DIAPH3: variants seen among roughly 807,000 people sequenced by gnomAD.
The protein encoded by DIAPH3 is diaphanous related formin 3, also known as protein diaphanous homolog 3.
Under a neutral mutation model 144.3 loss-of-function variants are expected in DIAPH3, and 117 were observed. The ratio of observed to expected loss-of-function variants is 0.81; its 90% CI spans 0.70 to 0.95. The LOEUF is 0.95. DIAPH3 is among the 40% of genes least tolerant of loss of function. The probability of loss-of-function intolerance (pLI) is 0.00; values close to 1 mark genes in which losing one functional copy is unlikely to be tolerated. For missense variants in DIAPH3, 1,421 were observed against 1,412.7 expected (o/e 1.01, Z -0.09); for synonymous variants, 519 against 488.9 (o/e 1.06, Z -0.81).
intron 25 of DIAPH3, among the ~76,000 whole-genome samples, chr13:59,800,641 G>T (rs529511159): frequency 7.8e-4 from 118 of 152,148 alleles, no homozygotes; most frequent in Non-Finnish European, 1.4e-3. Context: ...CTTAATGATA[G>T]AATCAATTAG....
chr13:59,931,090 A>G (rs903515942), intron 17 of DIAPH3, among the ~76,000 whole-genome samples: 2 of 151,826 alleles, frequency 1.3e-5, no homozygotes, highest in African/African-American at 4.8e-5. Flanking sequence ...TCTCCCAACT[A>G]TTTTCTTCAG....
chr13:59,997,894 TGAAA>T (rs1393248654), intron 9 of DIAPH3, among the ~76,000 whole-genome samples: 64 of 152,172 alleles, frequency 4.2e-4, no homozygotes, highest in Non-Finnish European at 5.6e-4. Context: ...AAATCCAGAT[TGAAA>T]ACAAGAACCA....
Position 59,833,346 on chromosome 13 carries a change from G to A in DIAPH3, c.2863-75C>T, listed in dbSNP as rs968182893. The A allele has an allele frequency of 5.1e-6, 6 of 1,179,192 alleles. No individual in the cohort carries two copies. In the African/African-American group the frequency reaches 9.3e-5, roughly 18 times the overall value. 73.0% of individuals were successfully genotyped at this position (1,179,192 alleles called of 1,614,324 possible). ...GCAGGGGGAACTCTGTAAATCCAAT[G>A]TTTTAGTCTAATAGCCACCATTACT... On this transcript the variant is annotated intron_variant, in intron 23 of 27. Coordinates refer to ENST00000400324, the MANE Select transcript of DIAPH3 (RefSeq NM_001042517.2).
intron 21 of DIAPH3, among the ~76,000 whole-genome samples, chr13:59,874,447 A>G (rs1256372329): frequency 6.6e-6 from 1 of 152,186 alleles, no homozygotes; most frequent in African/African-American, 2.4e-5. Flanking sequence ...TTTTGCTTAT[A>G]AAAGGAATAT....
At chr13:60,097,747 A>T (rs986995189) in intron 3 of DIAPH3, among the ~76,000 whole-genome samples, 1 of 151,980 alleles carries the variant, frequency 6.6e-6, no homozygotes, top group Non-Finnish European at 1.5e-5. Context: ...TGGCATTTGA[A>T]AGCGTAAGAA....
At chr13:59,681,158 C>T (rs976450263) in intron 27 of DIAPH3, among the ~76,000 whole-genome samples, 1 of 152,110 alleles carries the variant, frequency 6.6e-6, no homozygotes, top group Non-Finnish European at 1.5e-5. Flanking sequence ...TGGCATATCA[C>T]ACATACTTTG....
chr13:59,904,105 G>C (rs1021790360), intron 20 of DIAPH3, among the ~76,000 whole-genome samples: 21 of 152,140 alleles, frequency 1.4e-4, no homozygotes, highest in African/African-American at 4.8e-4. Context: ...CCTCAAAGGG[G>C]AAAGAAGGGA....
chr13:59,739,182 C>T (rs943255335), intron 27 of DIAPH3, among the ~76,000 whole-genome samples: 1 of 152,080 alleles, frequency 6.6e-6, no homozygotes, highest in African/African-American at 2.4e-5. Context: ...TTTGAATTTG[C>T]GTTTTGTTAA....
chr13:60,013,534 A>C (rs191900716), intron 7 of DIAPH3, among the ~76,000 whole-genome samples: 6 of 152,326 alleles, frequency 3.9e-5, no homozygotes, highest in African/African-American at 1.4e-4. Flanking sequence ...CTAACTTTTC[A>C]TCCTTATTAT....
chr13:59,891,502 T>C (rs1043541059), intron 20 of DIAPH3, among the ~76,000 whole-genome samples: 20 of 151,652 alleles, frequency 1.3e-4, no homozygotes, highest in Non-Finnish European at 2.9e-4. Context: ...CCCCACTTTT[T>C]AGCAGGAATT....
At chr13:59,855,853 T>A (rs570842708) in intron 22 of DIAPH3, among the ~76,000 whole-genome samples, 2 of 151,986 alleles carry the variant, frequency 1.3e-5, no homozygotes, top group Admixed American at 1.3e-4. Context: ...ACAACTATTA[T>A]AGTAGCAAAA....
intron 19 of DIAPH3, among the ~76,000 whole-genome samples, chr13:59,914,727 G>A (rs1312896968): frequency 1.3e-5 from 2 of 152,142 alleles, no homozygotes; most frequent in Non-Finnish European, 2.9e-5. Flanking sequence ...AAGCCATAGA[G>A]TATGAGCAAC....
chr13:59,942,923 AT>A (rs1415694554), intron 17 of DIAPH3, among the ~76,000 whole-genome samples: 1 of 152,208 alleles, frequency 6.6e-6, no homozygotes, highest in Non-Finnish European at 1.5e-5. Context: ...TTGGCTACAT[AT>A]AATAATTTAG....
In DIAPH3 at chr13:60,162,811, A is replaced by ACT. The variant is rs1220608014; in HGVS notation, c.180+775_180+776insAG. The stretch of plus-strand genomic sequence containing the variant: ...CTCTCTCTCTCTCTCTCTCTCTCTC[A>ACT]CACACACACACACACACACACACAC... On this transcript the variant is annotated intron_variant, in intron 1 of 27. Coordinates refer to ENST00000400324, the MANE Select transcript of DIAPH3 (RefSeq NM_001042517.2). Among the ~76,000 whole-genome samples the ACT allele has an allele frequency of 1.0e-4, 7 of 68,724 alleles. No individual in the cohort carries two copies. In the East Asian group the frequency reaches 1.4e-3, roughly 14 times the overall value. 45.1% of individuals were successfully genotyped at this position (68,724 alleles called of 152,430 possible).
At chr13:59,961,287 C>T (rs1188752915) in intron 17 of DIAPH3, among the ~76,000 whole-genome samples, 1 of 152,208 alleles carries the variant, frequency 6.6e-6, no homozygotes, top group East Asian at 1.9e-4. Flanking sequence ...AGATGCTTTA[C>T]AATATGCATT....
At chr13:60,011,609 C>T (rs2140954970) in intron 7 of DIAPH3, among the ~76,000 whole-genome samples, 1 of 152,232 alleles carries the variant, frequency 6.6e-6, no homozygotes, top group East Asian at 1.9e-4. Context: ...TGTAGCACAT[C>T]TCAATTCAGA....
chr13:59,971,167 A>G lies in DIAPH3; in HGVS notation c.1651-7T>C, dbSNP rs201050280. On this transcript the variant is annotated splice_region_variant and splice_polypyrimidine_tract_variant and intron_variant, in intron 15 of 27. Transcript: ENST00000400324. Reference sequence around the variant, plus strand: ...CAGCTGGCAAGGCACCAAACTGGAGAAAAAAACAATAAGAGACATAACTAA... The same window carrying G: ...CAGCTGGCAAGGCACCAAACTGGAGGAAAAAACAATAAGAGACATAACTAA... 9.7e-5 allele frequency: 151 copies of G among 1,562,516 alleles called. No individual in the cohort carries two copies. In the East Asian group the frequency reaches 3.0e-3, roughly 31 times the overall value.
At chr13:59,901,168 T>C (rs946104253) in intron 20 of DIAPH3, among the ~76,000 whole-genome samples, 1 of 152,236 alleles carries the variant, frequency 6.6e-6, no homozygotes, top group African/African-American at 2.4e-5. Flanking sequence ...AACACTTCTA[T>C]GGCATCAGTC....
At chr13:59,858,404 T>C (rs1171811395) in intron 22 of DIAPH3, among the ~76,000 whole-genome samples, 1 of 152,056 alleles carries the variant, frequency 6.6e-6, no homozygotes, top group East Asian at 1.9e-4. Flanking sequence ...TCTGACACAG[T>C]GTAATCACTC....
Sources: gnomAD v4.1 joint callset for allele counts (sites outside exome capture counted in the v4.1 genomes callset) on GRCh38, gnomAD v4.1.1 for gene constraint, MANE v1.5 for transcripts, NCBI Gene and HGNC (gene_info 2026-07-23, HGNC 2026-07-21) for gene names.